Variants in SCLT1 observed in about 807,000 individuals in gnomAD.
SCLT1 encodes the protein sodium channel-associated protein 1.
In SCLT1, 78 loss-of-function variants were observed where a neutral mutation model predicts 112.8. That is an observed-to-expected ratio of 0.69 (90% CI 0.58 to 0.83). The LOEUF (loss-of-function observed/expected upper bound fraction) is 0.83. SCLT1 is among the 40% of genes least tolerant of loss of function. SCLT1 has a pLI of 0.00. For synonymous variants in SCLT1, 257 were observed against 254.7 expected, an observed-to-expected ratio of 1.01 and a Z score of -0.09; for missense variants, 747 against 770.4, an observed-to-expected ratio of 0.97 and a Z score of 0.36.
At position 129,043,422 on chromosome 4, in the gene SCLT1, T is replaced by C. The variant is rs1447603520; in HGVS notation, c.207A>G (p.Glu69=). ...LVTEYDKHLG[E]LNGQLKYYQK... ...GGTAATATTTCAGCTGCCCATTTAG[T>C]TCTCCTAGGTGTTTATCATACTCAG... is the stretch of plus-strand genomic sequence containing the variant. Residue 69 remains glutamate (E), a synonymous_variant, in exon 4 of 21, where the codon GAA becomes GAG. Transcript: ENST00000281142. 4 of 1,544,478 alleles carry C rather than the reference T, an allele frequency of 2.6e-6. No individual in the cohort carries two copies. The highest frequency in any genetic ancestry group is 3.6e-6 in the Non-Finnish European group (4 of 1,126,702).
intron 2 of SCLT1, among the ~76,000 whole-genome samples, chr4:129,059,886 T>C (rs997993729): frequency 7.9e-5 from 12 of 152,208 alleles, no homozygotes; most frequent in African/African-American, 2.9e-4. Flanking sequence ...CAGATGTCCA[T>C]ATCTCTCCAC....
At chr4:129,026,291 T>G (rs1746069093) in intron 5 of SCLT1, among the ~76,000 whole-genome samples, 1 of 152,128 alleles carries the variant, frequency 6.6e-6, no homozygotes, top group African/African-American at 2.4e-5. Context: ...ATTGACCACA[T>G]ACTGGGAAGT....
chr4:128,997,937 A>C lies in SCLT1; in HGVS notation c.552T>G (p.Asp184Glu). 1.3e-6 allele frequency: 2 copies of C among 1,501,090 alleles called. No individual in the cohort carries two copies. Among genetic ancestry groups the C allele is most frequent in the Non-Finnish European group, 1.8e-6 (2 of 1,114,880 alleles). 93.0% of individuals were successfully genotyped at this position (1,501,090 alleles called of 1,614,324 possible). A position where few individuals can be genotyped will look rare whatever the true frequency, so the allele number is the denominator to read the frequency against. The change falls in exon 8 of 21, where the codon GAT (aspartate) becomes GAG (glutamate). Residue 184 changes from aspartate to glutamate, a missense_variant and splice_region_variant. Physicochemically the swap from Asp to Glu is conservative, Grantham distance 45 (BLOSUM62 2). Transcript: ENST00000281142. ...TCAGTTGTTGAAAATCAAATAGCTG[A>C]TCCTACAGTGGGAAGGTAAGGGGAG... Reference protein sequence around the residue: ...IHVFESQKQKDQLFDFQQLTK... With the variant: ...IHVFESQKQKEQLFDFQQLTK...
chr4:128,918,789 C>G (rs899498327), intron 18 of SCLT1, among the ~76,000 whole-genome samples: 1 of 151,968 alleles, frequency 6.6e-6, no homozygotes, highest in Non-Finnish European at 1.5e-5. Flanking sequence ...TAATTTCAGA[C>G]AAAACAGTCT....
chr4:128,974,262 C>T (rs1379695758), intron 9 of SCLT1, among the ~76,000 whole-genome samples: 3 of 151,960 alleles, frequency 2.0e-5, no homozygotes, highest in East Asian at 1.9e-4. Context: ...GAATATCTAG[C>T]CTTGACTCTT....
chr4:129,049,696 C>CT (rs906933977), intron 2 of SCLT1, among the ~76,000 whole-genome samples: 23 of 143,540 alleles, frequency 1.6e-4, no homozygotes, highest in East Asian at 4.1e-4. Flanking sequence ...AGCACTATTT[C>CT]TTTTTTTTTT....
Position 128,946,074 on chromosome 4 carries a change from G to T in SCLT1, c.1372C>A (p.Arg458Ser), listed in dbSNP as rs767602025. 5 of 1,608,084 alleles carry T rather than the reference G, an allele frequency of 3.1e-6. No individual in the cohort carries two copies. Among genetic ancestry groups the T allele is most frequent in the Non-Finnish European group, 4.3e-6 (5 of 1,175,070 alleles). Residue 458 changes from arginine (R) to serine (S), a missense_variant, in exon 16 of 21, where the codon CGT becomes AGT. This residue lies in a region of SCLT1 where 723 missense variants were observed against 721.3 expected (regional missense o/e 1.00). Transcript: ENST00000281142. ...CTTAGCTGAAGATCATCTTTTGAAC[G>T]CTCTGAAACCAGGAATCTTTGGTGC... ...EMHQRFLVSERSKDDLQLRLT... is the reference protein window; with the variant it reads ...EMHQRFLVSESSKDDLQLRLT...
intron 18 of SCLT1, among the ~76,000 whole-genome samples, chr4:128,915,832 T>C (rs1053414303): frequency 1.3e-5 from 2 of 152,346 alleles, no homozygotes; most frequent in South Asian, 2.1e-4. Context: ...ATGGAGCTGA[T>C]AGTCCCATAG....
chr4:129,074,000 C>G (rs1751243051), intron 2 of SCLT1, among the ~76,000 whole-genome samples: 4 of 152,168 alleles, frequency 2.6e-5, no homozygotes, highest in Admixed American at 2.6e-4. Context: ...GAAATTTCAT[C>G]TACTCTTCAA....
chr4:128,932,000 T>C (rs11731189), intron 18 of SCLT1, among the ~76,000 whole-genome samples: 63,795 of 150,952 alleles, frequency 0.42, 14,136 homozygotes, highest in African/African-American at 0.55. Flanking sequence ...CACTGGTATG[T>C]TGTCCATCTT....
intron 18 of SCLT1, among the ~76,000 whole-genome samples, chr4:128,894,100 C>T (rs1484086198): frequency 3.3e-5 from 5 of 151,928 alleles, no homozygotes; most frequent in East Asian, 1.9e-4. Context: ...CCATCATGCC[C>T]GGCTAGTTTT....
intron 5 of SCLT1, among the ~76,000 whole-genome samples, chr4:129,032,834 C>G (rs1464283987): frequency 6.6e-6 from 1 of 152,128 alleles, no homozygotes; most frequent in Non-Finnish European, 1.5e-5. Context: ...CAGGAAACAA[C>G]AGATGCTGGT....
chr4:129,066,393 GACAAA>G lies in SCLT1; in HGVS notation c.102+15908_102+15912del, dbSNP rs561332692. 5.5e-3 allele frequency among the ~76,000 whole-genome samples: 831 copies of G among 151,990 alleles called. 9 individuals carry two copies. Among genetic ancestry groups the G allele is most frequent in the African/African-American group, 0.019 (782 of 41,510 alleles). Reference sequence around the variant, plus strand: ...GATGTTATTTCACACAAGTCAAACTGACAAAACAAAATATTTGACATTACTACCAA... The same window carrying G: ...GATGTTATTTCACACAAGTCAAACTGACAAAATATTTGACATTACTACCAA... On this transcript the variant is annotated intron_variant, in intron 2 of 20. Coordinates refer to ENST00000281142, the MANE Select transcript of SCLT1 (RefSeq NM_144643.4).
Position 129,038,354 on chromosome 4 carries a change from T to C in SCLT1, c.290+687A>G, listed in dbSNP as rs146923793. Among the ~76,000 whole-genome samples, 688 of 152,288 alleles carry C rather than the reference T, an allele frequency of 4.5e-3. 2 individuals carry two copies. Among genetic ancestry groups the C allele is most frequent in the African/African-American group, 0.016 (657 of 41,554 alleles). On this transcript the variant is annotated intron_variant, in intron 5 of 20. Coordinates refer to ENST00000281142, the MANE Select transcript of SCLT1 (RefSeq NM_144643.4). The stretch of plus-strand genomic sequence containing the variant: ...TATTATATTGCAAAATTGATATTCA[T>C]ATAACCTATAATCCAGCAACTTCCT...
chr4:128,902,484 T>C (rs1017696632), intron 18 of SCLT1, among the ~76,000 whole-genome samples: 1 of 152,136 alleles, frequency 6.6e-6, no homozygotes, highest in Non-Finnish European at 1.5e-5. Flanking sequence ...AATTTTAACA[T>C]TGTAAGTTTT....
intron 4 of SCLT1, among the ~76,000 whole-genome samples, chr4:129,041,092 T>C (rs1747660411): frequency 6.6e-6 from 1 of 152,184 alleles, no homozygotes; most frequent in South Asian, 2.1e-4. Flanking sequence ...CCAAAGTACA[T>C]AATATGTTAT....
At chr4:129,086,126 T>C (rs1752376198) in intron 1 of SCLT1, among the ~76,000 whole-genome samples, 1 of 152,134 alleles carries the variant, frequency 6.6e-6, no homozygotes, top group South Asian at 2.1e-4. Context: ...CCTCAGTAAT[T>C]AAAATAGGAT....
intron 9 of SCLT1, among the ~76,000 whole-genome samples, chr4:128,988,673 TA>T (rs898112706): frequency 3.3e-5 from 5 of 151,150 alleles, no homozygotes; most frequent in Non-Finnish European, 1.5e-5. Flanking sequence ...AATTCTCCAA[TA>T]AAAAAAAGAG....
At chr4:129,012,561 C>T (rs575321617) in intron 5 of SCLT1, among the ~76,000 whole-genome samples, 5 of 152,042 alleles carry the variant, frequency 3.3e-5, no homozygotes, top group African/African-American at 4.8e-5. Context: ...GGGTTCAGGT[C>T]CTGAATATCT....
Sources: allele counts gnomAD v4.1 joint callset (sites outside exome capture counted in the v4.1 genomes callset), GRCh38; gene constraint gnomAD v4.1.1; regional missense constraint gnomAD v4.1.1; transcripts MANE v1.5; gene names NCBI Gene and HGNC (gene_info 2026-07-23, HGNC 2026-07-21).